GPHN: variants seen among roughly 807,000 people sequenced by gnomAD.
GPHN encodes gephyrin.
A neutral mutation model predicts 95.5 loss-of-function variants in GPHN; 17 were observed. The ratio of observed to expected loss-of-function variants is 0.18; its 90% CI spans 0.12 to 0.27. The LOEUF is 0.27. Ranked by LOEUF, GPHN falls within the 10% of genes least tolerant of loss-of-function variation. The pLI, the probability that GPHN is intolerant of heterozygous loss-of-function variation, is 1.00. For missense variants in GPHN, 660 were observed against 978.1 expected, an observed-to-expected ratio of 0.67 and a Z score of 4.34; for synonymous variants, 320 against 322.5, an observed-to-expected ratio of 0.99 and a Z score of 0.08.
At chr14:66,896,647 A>AT in intron 5 of GPHN, among the ~76,000 whole-genome samples, 1 of 152,258 alleles carries the variant, frequency 6.6e-6, no homozygotes, top group South Asian at 2.1e-4. Context: ...AAGATATTAA[A>AT]TATTGATTAT....
chr14:67,312,789 C>G, the GPHN span: 2 of 1,098,558 alleles, frequency 1.8e-6, no homozygotes, highest in Non-Finnish European at 2.4e-6. Flanking sequence ...AAAACTCACT[C>G]TTTCATGCCT....
chr14:67,401,697 C>T, the GPHN span, among the ~76,000 whole-genome samples: 9,490 of 152,094 alleles, frequency 0.062, 635 homozygotes, highest in African/African-American at 0.16. Context: ...CCATGAGAAA[C>T]AAATCTCAGT....
At chr14:66,948,367 A>G (rs927006073) in intron 8 of GPHN, among the ~76,000 whole-genome samples, 1 of 152,158 alleles carries the variant, frequency 6.6e-6, no homozygotes. Flanking sequence ...CATACTTCAT[A>G]TGTTTGCCAT....
Position 67,180,973 on chromosome 14 carries a change from A to T in GPHN, c.*36A>T, listed in dbSNP as rs761513293. 6.2e-7 allele frequency: 1 copy of T among 1,608,874 alleles called. No individual in the cohort carries two copies. Among genetic ancestry groups the T allele is most frequent in the Non-Finnish European group, 8.5e-7 (1 of 1,175,420 alleles). On this transcript the variant is annotated 3_prime_UTR_variant, in exon 23 of 23. Coordinates refer to ENST00000478722, the MANE Select transcript of GPHN (RefSeq NM_020806.5). ...CAGGAGAAAGCTTTGATGCATGTCC[A>T]CATATCATTGACTGTATCCTGTAAT... is the stretch of plus-strand genomic sequence containing the variant.
chr14:67,308,329 CTTTTTTTT>C, the GPHN span, among the ~76,000 whole-genome samples: 1,545 of 112,474 alleles, frequency 0.014, 26 homozygotes, highest in African/African-American at 0.047. Context: ...TTTTTTTTTT[CTTTTTTTT>C]CTCTTTGATT....
At chr14:67,571,884 C>T in the GPHN span, 2 of 1,611,456 alleles carry the variant, frequency 1.2e-6, no homozygotes, top group Non-Finnish European at 1.7e-6. Context: ...ACTAGGCAGC[C>T]CCCGGGCCAT....
the GPHN span, chr14:67,575,332 C>A: frequency 4.9e-6 from 5 of 1,025,350 alleles, no homozygotes; most frequent in African/African-American, 6.4e-5. Flanking sequence ...ATTTGCCAGT[C>A]CTGGATTTAC....
At chr14:66,910,791 T>A (rs1284538221) in intron 5 of GPHN, among the ~76,000 whole-genome samples, 2 of 152,000 alleles carry the variant, frequency 1.3e-5, no homozygotes, top group African/African-American at 4.8e-5. Flanking sequence ...TTCTGTTCTG[T>A]TCTTTTTTAA....
At chr14:66,793,823 A>C (rs755712295) in intron 3 of GPHN, among the ~76,000 whole-genome samples, 5 of 152,236 alleles carry the variant, frequency 3.3e-5, no homozygotes, top group African/African-American at 4.8e-5. Context: ...ATATTACACT[A>C]GAAAATATTC....
chr14:67,451,898 A>G, the GPHN span, among the ~76,000 whole-genome samples: 4 of 152,184 alleles, frequency 2.6e-5, no homozygotes, highest in Non-Finnish European at 4.4e-5. Flanking sequence ...GTCTCCACCC[A>G]ATTCTCATCT....
At chr14:66,881,908 T>C (rs1370250965) in intron 5 of GPHN, among the ~76,000 whole-genome samples, 1 of 151,846 alleles carries the variant, frequency 6.6e-6, no homozygotes. Context: ...GCATTGCTGA[T>C]TTAACCAAGA....
intron 1 of GPHN, among the ~76,000 whole-genome samples, chr14:66,592,584 A>G (rs1014261485): frequency 2.0e-5 from 3 of 152,226 alleles, no homozygotes; most frequent in Admixed American, 2.0e-4. Flanking sequence ...AGAAATGCAA[A>G]TCAAAACCAC....
the GPHN span, among the ~76,000 whole-genome samples, chr14:67,672,267 C>T: frequency 6.6e-6 from 1 of 151,192 alleles, no homozygotes; most frequent in Non-Finnish European, 1.5e-5. Flanking sequence ...TACAGGCATG[C>T]ACCACCATGC....
At chr14:66,758,981 C>T (rs1310146351) in intron 2 of GPHN, among the ~76,000 whole-genome samples, 1 of 152,126 alleles carries the variant, frequency 6.6e-6, no homozygotes, top group Non-Finnish European at 1.5e-5. Context: ...CTCTCTAGTC[C>T]TCATTTTTGT....
chr14:67,707,940 C>T, the GPHN span, among the ~76,000 whole-genome samples: 1 of 152,126 alleles, frequency 6.6e-6, no homozygotes, highest in Non-Finnish European at 1.5e-5. Context: ...TTCCAGAAGT[C>T]AAGTTTGATT....
the GPHN span, chr14:67,691,880 T>A: frequency 6.5e-6 from 1 of 154,064 alleles, no homozygotes; most frequent in Non-Finnish European, 1.4e-5. Flanking sequence ...ATCAAACCCA[T>A]AAATATCCTC....
intron 9 of GPHN, among the ~76,000 whole-genome samples, chr14:66,990,013 T>G (rs2071296606): frequency 6.6e-6 from 1 of 152,088 alleles, no homozygotes; most frequent in Admixed American, 6.6e-5. Flanking sequence ...ACTGGGTAAT[T>G]TATAAAGAAA....
At chr14:67,260,007 A>G in the GPHN span, among the ~76,000 whole-genome samples, 1 of 152,106 alleles carries the variant, frequency 6.6e-6, no homozygotes, top group Non-Finnish European at 1.5e-5. Flanking sequence ...TCTTGGAAAC[A>G]TTGTCCCCAG....
chr14:67,587,436 C>T, the GPHN span: 1 of 621,902 alleles, frequency 1.6e-6, no homozygotes, highest in Non-Finnish European at 2.8e-6. Context: ...AAATCCAGAC[C>T]CAGTGTTAAA....
Sources: allele counts gnomAD v4.1 joint callset (sites outside exome capture counted in the v4.1 genomes callset), GRCh38; gene constraint gnomAD v4.1.1; transcripts MANE v1.5; gene names NCBI Gene and HGNC (gene_info 2026-07-23, HGNC 2026-07-21).